The following FMN1 variants were observed in gnomAD, a reference collection of about 807,000 sequenced individuals.
The protein encoded by FMN1 is formin 1.
FMN1 carries 110 observed loss-of-function variants against 132.4 expected under a neutral mutation model. That is an observed-to-expected ratio of 0.83 (90% CI 0.71 to 0.97). FMN1 has a LOEUF of 0.97. FMN1 is among the 50% of genes least tolerant of loss of function. The probability of loss-of-function intolerance (pLI) is 0.00; values close to 1 mark genes in which losing one functional copy is unlikely to be tolerated. For missense variants in FMN1, 1,792 were observed against 1,705.3 expected, an observed-to-expected ratio of 1.05 and a Z score of -0.90; for synonymous variants, 722 against 651.7, an observed-to-expected ratio of 1.11 and a Z score of -1.64.
rs1220842698 is a variant in FMN1, at chr15:32,771,533, T to C, written c.*2777A>G. ...AAACTGTGTCCTCAGATTTAATGAA[T>C]ATTGTCTAAGAGGAGACAAAGTTGT... On this transcript the variant is annotated 3_prime_UTR_variant, in exon 21 of 21. Transcript: ENST00000616417. The C allele has an allele frequency of 6.6e-6, 1 of 152,226 alleles. No individual in the cohort carries two copies. The highest frequency in any genetic ancestry group is 2.4e-5 in the African/African-American group (1 of 41,456). The allele number at this position is 152,226 out of a possible 1,614,324, so 9.4% of individuals were successfully genotyped here. A position where few individuals can be genotyped will look rare whatever the true frequency, so the allele number is the denominator to read the frequency against.
intron 9 of FMN1, among the ~76,000 whole-genome samples, chr15:32,944,092 C>T (rs748663170): frequency 3.2e-4 from 49 of 152,298 alleles, no homozygotes; most frequent in Non-Finnish European, 6.6e-4. Flanking sequence ...CCAGCCAGTG[C>T]CAGAAGGGAG....
chr15:32,988,049 G>GTTTTTTTTTTTTTTTT (rs10573409), intron 7 of FMN1, among the ~76,000 whole-genome samples: 17 of 118,170 alleles, frequency 1.4e-4, no homozygotes, highest in Non-Finnish European at 2.2e-4. Flanking sequence ...TGTCTCTCCA[G>GTTTTTTTTTTTTTTTT]TTTTTTTTTT....
At chr15:33,077,367 A>G (rs1384263174) in intron 5 of FMN1, among the ~76,000 whole-genome samples, 5 of 94,356 alleles carry the variant, frequency 5.3e-5, no homozygotes, top group Non-Finnish European at 1.2e-4. Flanking sequence ...ATATATATAT[A>G]TATTTTTTTT....
intron 4 of FMN1, among the ~76,000 whole-genome samples, chr15:33,103,635 A>C (rs928077412): frequency 1.3e-5 from 2 of 152,092 alleles, no homozygotes; most frequent in Non-Finnish European, 2.9e-5. Flanking sequence ...TCCTCCCTTC[A>C]AACTAAAATA....
intron 19 of FMN1, among the ~76,000 whole-genome samples, chr15:32,783,179 C>A (rs192539595): frequency 1.3e-5 from 2 of 152,230 alleles, no homozygotes; most frequent in East Asian, 3.9e-4. Context: ...GGTTATATGG[C>A]AATCCTTACA....
chr15:32,913,694 G>T (rs368074647), intron 10 of FMN1, among the ~76,000 whole-genome samples: 218 of 152,274 alleles, frequency 1.4e-3, no homozygotes, highest in African/African-American at 5.0e-3. Context: ...TATACTTTAA[G>T]AATCTGTGGT....
chr15:33,112,014 T>C (rs574599186), intron 4 of FMN1, among the ~76,000 whole-genome samples: 17 of 152,280 alleles, frequency 1.1e-4, no homozygotes, highest in African/African-American at 4.1e-4. Context: ...TGTATCACAT[T>C]TTACTGTAAT....
At chr15:32,988,049 GTTTTTT>G (rs10573409) in intron 7 of FMN1, among the ~76,000 whole-genome samples, 2 of 118,164 alleles carry the variant, frequency 1.7e-5, no homozygotes, top group Non-Finnish European at 3.4e-5. Flanking sequence ...TGTCTCTCCA[GTTTTTT>G]TTTTTTTTTT....
intron 3 of FMN1, among the ~76,000 whole-genome samples, chr15:33,165,613 A>C (rs1046186197): frequency 6.6e-6 from 1 of 152,096 alleles, no homozygotes; most frequent in Admixed American, 6.5e-5. Context: ...GGATGGTCTC[A>C]ATCTTCTTAC....
intron 12 of FMN1, 115 bp from the exon 13 acceptor site, chr15:32,902,155 T>A (rs2060313523): frequency 4.6e-6 from 4 of 873,938 alleles, no homozygotes; most frequent in Non-Finnish European, 3.4e-6. Flanking sequence ...TCAACAATTA[T>A]AAAAGGTGTC....
At chr15:32,930,383 C>T (rs1226201871) in intron 9 of FMN1, among the ~76,000 whole-genome samples, 1 of 151,680 alleles carries the variant, frequency 6.6e-6, no homozygotes, top group East Asian at 1.9e-4. Context: ...ACTTTGTCTA[C>T]ATCCTCAAAA....
At chr15:33,061,441 A>AT (rs1271741535) in intron 6 of FMN1, among the ~76,000 whole-genome samples, 1 of 152,050 alleles carries the variant, frequency 6.6e-6, no homozygotes, top group Non-Finnish European at 1.5e-5. Context: ...ATACAAATAT[A>AT]TATTTATATG....
At chr15:32,932,715 T>C (rs1034653187) in intron 9 of FMN1, among the ~76,000 whole-genome samples, 2 of 152,216 alleles carry the variant, frequency 1.3e-5, no homozygotes, top group Non-Finnish European at 2.9e-5. Context: ...TTCATCATGA[T>C]TCAGTCCTGC....
chr15:32,810,960 A>AG (rs1181525727), intron 17 of FMN1: 1 of 456,062 alleles, frequency 2.2e-6, no homozygotes, highest in African/African-American at 2.0e-5. Flanking sequence ...GAGGAAACAA[A>AG]GGGACTGCGC....
At chr15:32,879,542 G>A (rs2059713867) in intron 16 of FMN1, among the ~76,000 whole-genome samples, 1 of 152,148 alleles carries the variant, frequency 6.6e-6, no homozygotes, top group Non-Finnish European at 1.5e-5. Flanking sequence ...AGTGCAGACT[G>A]CAAGGCCTCT....
At chr15:32,910,437 T>C (rs2060530378) in intron 11 of FMN1, 37 bp downstream of exon 11, 1 of 1,482,210 alleles carries the variant, frequency 6.7e-7, no homozygotes, top group Non-Finnish European at 9.2e-7. Context: ...AGAAGATAAA[T>C]ATGGAAATAC....
At chr15:32,887,238 A>T (rs1401475979) in intron 16 of FMN1, among the ~76,000 whole-genome samples, 2 of 152,128 alleles carry the variant, frequency 1.3e-5, no homozygotes, top group Non-Finnish European at 2.9e-5. Context: ...CTTGGTCTTA[A>T]AATATTCCTG....
At position 33,153,123 on chromosome 15, in the gene FMN1, C is replaced by A. The variant is rs1282314493; in HGVS notation, c.1792G>T (p.Val598Leu). ...AFLRAGQPRLVPGETLEKSLG... is the reference protein window; with the variant it reads ...AFLRAGQPRLLPGETLEKSLG... ...CTCTTTTCCAAAGTTTCCCCAGGCA[C>A]CAACCGAGGTTGGCCTGCTCTGAGG... Residue 598 changes from valine to leucine, a missense_variant, in exon 4 of 21, where the codon GTG (valine) becomes TTG (leucine). Transcript: ENST00000616417. The A allele has an allele frequency of 6.5e-7, 1 of 1,535,978 alleles. No individual in the cohort carries two copies. Among genetic ancestry groups the A allele is most frequent in the African/African-American group, 1.4e-5 (1 of 73,030 alleles).
At chr15:32,891,788 A>G (rs1278666032) in intron 15 of FMN1, among the ~76,000 whole-genome samples, 1 of 149,804 alleles carries the variant, frequency 6.7e-6, no homozygotes, top group Non-Finnish European at 1.5e-5. Flanking sequence ...TACTATACAC[A>G]CATATATATA....
Sources: gnomAD v4.1 joint callset for allele counts (sites outside exome capture counted in the v4.1 genomes callset) on GRCh38, gnomAD v4.1.1 for gene constraint, MANE v1.5 for transcripts, NCBI Gene and HGNC (gene_info 2026-07-23, HGNC 2026-07-21) for gene names.